Variants in TRPV4 observed in about 807,000 individuals in gnomAD.
TRPV4 encodes OSM9-like transient receptor potential channel 4.
A neutral mutation model predicts 84.1 loss-of-function variants in TRPV4; 58 were observed. The observed-to-expected ratio is 0.69, with a 90% CI of 0.56 to 0.86. The LOEUF is 0.86. TRPV4 is among the 40% of genes least tolerant of loss of function. TRPV4 has a pLI of 0.00. For missense variants in TRPV4, 879 were observed against 1,181.1 expected, an observed-to-expected ratio of 0.74 and a Z score of 3.75; for synonymous variants, 489 against 500.9, an observed-to-expected ratio of 0.98 and a Z score of 0.32.
Position 109,814,672 on chromosome 12 carries a change from C to A in TRPV4, c.125G>T (p.Gly42Val), listed in dbSNP as rs140171425. Residue 42 changes from glycine (G) to valine (V), a missense_variant, in exon 2 of 16, where the codon GGG (glycine) becomes GTG (valine). Around this residue, in one of 4 missense-constraint regions of TRPV4, gnomAD observed 107 missense variants for 99.4 expected, o/e 1.08. Coordinates refer to ENST00000261740, the MANE Select transcript of TRPV4 (RefSeq NM_021625.5). The surrounding 1 kb of genome is among the most constrained non-coding windows in gnomAD (Gnocchi z 5.4). ...TGAGGGCGAAAGGGAGCCATCCTCC[C>A]CCTCAAACAGATTGGCCAGGGAGGA... ...PLSSLANLFE[G>V]EDGSLSPSPA... The A allele has an allele frequency of 1.2e-6, 2 of 1,612,860 alleles. No homozygotes were observed. The highest frequency in any genetic ancestry group is 1.3e-5 in the African/African-American group (1 of 74,896).
chr12:109,829,507 C>G (rs1035589575), intron 1 of TRPV4, among the ~76,000 whole-genome samples: 1 of 152,224 alleles, frequency 6.6e-6, no homozygotes, highest in Non-Finnish European at 1.5e-5. Context: ...TCTAGCTTTG[C>G]CCCCAATACC....
chr12:109,785,120 C>T (rs936286058), intron 14 of TRPV4, among the ~76,000 whole-genome samples: 10 of 152,106 alleles, frequency 6.6e-5, no homozygotes, highest in Admixed American at 3.9e-4. Context: ...CTCCCAGGCT[C>T]AAGTGATCCG....
intron 3 of TRPV4, 60 bp from the exon 4 acceptor site, chr12:109,803,203 G>A (rs1432871808): frequency 6.3e-7 from 1 of 1,597,346 alleles, no homozygotes; most frequent in Non-Finnish European, 8.5e-7. Flanking sequence ...GAACTTCCAG[G>A]CATCGGGGTA....
rs766929903 is a variant in TRPV4, at chr12:109,784,297, C to T, written c.2458+19G>A. On this transcript the variant is annotated intron_variant, in intron 15 of 15. Transcript: ENST00000261740. ...GAGAATGGACTGGGGCTCCCCTCCGCACCCGCCCCTCCACTCACCCCTGCG... is the reference window on the plus strand; with the variant it reads ...GAGAATGGACTGGGGCTCCCCTCCGTACCCGCCCCTCCACTCACCCCTGCG... The T allele has an allele frequency of 1.2e-6, 2 of 1,614,078 alleles. No individual in the cohort carries two copies. Among genetic ancestry groups the T allele is most frequent in the Non-Finnish European group, 1.7e-6 (2 of 1,179,988 alleles).
intron 3 of TRPV4, among the ~76,000 whole-genome samples, chr12:109,803,797 A>C (rs1890955705): frequency 6.6e-6 from 1 of 152,176 alleles, no homozygotes; most frequent in Non-Finnish European, 1.5e-5. Context: ...TAAACAAATA[A>C]ATGGTTAGAA....
intron 1 of TRPV4, among the ~76,000 whole-genome samples, chr12:109,821,319 G>A: frequency 6.6e-6 from 1 of 152,314 alleles, no homozygotes; most frequent in African/African-American, 2.4e-5. Flanking sequence ...GTCCAGGAGG[G>A]AAGGCTGATG....
At position 109,783,652 on chromosome 12, in the gene TRPV4, C is replaced by T. The variant is rs371989034; in HGVS notation, c.2585G>A (p.Arg862His). 1.2e-5 allele frequency: 19 copies of T among 1,613,772 alleles called. 1 individual carries two copies. Among genetic ancestry groups the T allele is most frequent in the South Asian group, 9.9e-5 (9 of 91,076 alleles). The change falls in exon 16 of 16, where the codon CGC (arginine) becomes CAC (histidine). Residue 862 changes from arginine to histidine, a missense_variant. By Grantham distance (29) the Arg-to-His change is conservative. Around this residue, in one of 4 missense-constraint regions of TRPV4, gnomAD observed 242 missense variants for 355.3 expected, o/e 0.68. Transcript: ENST00000261740. The surrounding 1 kb of genome is among the most constrained non-coding windows in gnomAD (Gnocchi z 4.6). ...CGGGGCGTCATCAGTCCTCCACTTG[C>T]GGGGGTAACCCTGCTGGTGGCCATC... ...RCDGHQQGYP[R>H]KWRTDDAPL
rs1185057984 is a variant in TRPV4, at chr12:109,793,485, C to T, written c.1658+42G>A. 1 of 1,569,396 alleles carries T rather than the reference C, an allele frequency of 6.4e-7. No individual in the cohort carries two copies. Among genetic ancestry groups the T allele is most frequent in the East Asian group, 2.2e-5 (1 of 44,638 alleles). ...GGACGACCTAGCAGCCCAAACCCAC[C>T]TTCCTCACCCAGAAGCTGCCGGCCC... On this transcript the variant is annotated intron_variant, in intron 10 of 15. Coordinates refer to ENST00000261740, the MANE Select transcript of TRPV4 (RefSeq NM_021625.5). This position sits in a 1 kb window ranked among gnomAD's most constrained non-coding sequence, Gnocchi z 4.0.
chr12:109,793,725 C>T lies in TRPV4; in HGVS notation c.1585-125G>A. On this transcript the variant is annotated intron_variant, in intron 9 of 15. Coordinates refer to ENST00000261740, the MANE Select transcript of TRPV4 (RefSeq NM_021625.5). The surrounding 1 kb of genome is among the most constrained non-coding windows in gnomAD (Gnocchi z 4.0). ...GCTGGTACAGAGAAAAGACAAAGGA[C>T]TCTTTCCTGTTAGAAAAGGAGAAAA... The T allele has an allele frequency of 1.1e-6, 1 of 914,420 alleles. No homozygotes were observed. The highest frequency in any genetic ancestry group is 1.8e-6 in the Non-Finnish European group (1 of 567,948). The allele number at this position is 914,420 out of a possible 1,614,324, so 56.6% of individuals were successfully genotyped here.
In TRPV4 at chr12:109,794,313, G is replaced by C; in HGVS notation, c.1491+16C>G. ...CAGTGCCTGCCCCAGCCCCTGCCCG[G>C]TCCCCGGGCACTCACTGTGCCCTCC... On this transcript the variant is annotated intron_variant, in intron 8 of 15. Transcript: ENST00000261740. The C allele has an allele frequency of 6.2e-7, 1 of 1,610,632 alleles. No individual in the cohort carries two copies. The highest frequency in any genetic ancestry group is 8.5e-7 in the Non-Finnish European group (1 of 1,179,936).
chr12:109,823,617 G>C (rs745799229), intron 1 of TRPV4, among the ~76,000 whole-genome samples: 11 of 152,192 alleles, frequency 7.2e-5, no homozygotes, highest in Non-Finnish European at 1.6e-4. Context: ...AATCCACAGA[G>C]ACAGAAAGCA....
At chr12:109,791,121 G>A (rs1298093303) in intron 12 of TRPV4, among the ~76,000 whole-genome samples, 5 of 152,246 alleles carry the variant, frequency 3.3e-5, no homozygotes, top group South Asian at 2.1e-4. Context: ...AGTGGCTCAC[G>A]CCTGTAATCC....
chr12:109,793,709 G>T lies in TRPV4; in HGVS notation c.1585-109C>A. 2 of 999,600 alleles carry T rather than the reference G, an allele frequency of 2.0e-6. No individual in the cohort carries two copies. The highest frequency in any genetic ancestry group is 3.1e-6 in the Non-Finnish European group (2 of 636,672). The allele number at this position is 999,600 out of a possible 1,614,324, so 61.9% of individuals were successfully genotyped here. On this transcript the variant is annotated intron_variant, in intron 9 of 15. Coordinates refer to ENST00000261740, the MANE Select transcript of TRPV4 (RefSeq NM_021625.5). This position sits in a 1 kb window ranked among gnomAD's most constrained non-coding sequence, Gnocchi z 4.0. ...AGAGAGGGAGGCAGAGGCTGGTACA[G>T]AGAAAAGACAAAGGACTCTTTCCTG...
rs570675468 is a variant in TRPV4, at chr12:109,798,673, C to T, written c.1093G>A (p.Val365Met). The T allele has an allele frequency of 1.0e-4, 164 of 1,613,604 alleles. 1 individual carries two copies. In the African/African-American group the frequency reaches 1.0e-3, roughly 10 times the overall value. ...GGCGAGAGGCCGTCGTTGTTGAGCA[C>T]GGCCTCCAGGTTGCTGTCGGGGAAG... ...RLFPDSNLEA[V>M]LNNDGLSPLM... The change falls in exon 6 of 16, where the codon GTG (valine) becomes ATG (methionine). Residue 365 changes from valine (V) to methionine (M), a missense_variant. Val to Met is a conservative substitution (Grantham distance 21). This residue lies in a region of TRPV4 where 521 missense variants were observed against 686.6 expected (regional missense o/e 0.76). Coordinates refer to ENST00000261740, the MANE Select transcript of TRPV4 (RefSeq NM_021625.5). This position sits in a 1 kb window ranked among gnomAD's most constrained non-coding sequence, Gnocchi z 5.0.
Position 109,818,685 on chromosome 12 carries a change from T to C in TRPV4, c.-31-3858A>G, listed in dbSNP as rs951295001. ...TCTGGGAGATAAGGCAGGTCAAGTG[T>C]TTCTTGGGCACCTAAGAAATATTTG... On this transcript the variant is annotated intron_variant, in intron 1 of 15. Coordinates refer to ENST00000261740, the MANE Select transcript of TRPV4 (RefSeq NM_021625.5). 2.6e-5 allele frequency among the ~76,000 whole-genome samples: 4 copies of C among 152,156 alleles called. No individual in the cohort carries two copies. In the South Asian group the frequency reaches 8.3e-4, roughly 32 times the overall value.
intron 3 of TRPV4, among the ~76,000 whole-genome samples, chr12:109,804,952 C>T (rs1479661274): frequency 6.6e-6 from 1 of 152,178 alleles, no homozygotes; most frequent in African/African-American, 2.4e-5. Flanking sequence ...AAACATTCTT[C>T]CCTCCTCTTT....
Position 109,814,304 on chromosome 12 carries a change from G to C in TRPV4, c.386+107C>G. ...GGATGGTTGGATGGACAGATGGATG[G>C]ATGGATGAATCGACGGATGGGTGGA... On this transcript the variant is annotated intron_variant, in intron 2 of 15. Transcript: ENST00000261740. The surrounding 1 kb of genome is among the most constrained non-coding windows in gnomAD (Gnocchi z 5.4). 7.8e-7 allele frequency: 1 copy of C among 1,283,256 alleles called. No homozygotes were observed. Among genetic ancestry groups the C allele is most frequent in the Non-Finnish European group, 1.1e-6 (1 of 910,170 alleles). 79.5% of individuals were successfully genotyped at this position (1,283,256 alleles called of 1,614,324 possible).
chr12:109,794,292 G>A (rs1182822452), intron 8 of TRPV4, 37 bp downstream of exon 8: 6 of 1,607,782 alleles, frequency 3.7e-6, no homozygotes, highest in Non-Finnish European at 4.2e-6. Context: ...TCAGCCCAGT[G>A]CCTGCCCCAG....
chr12:109,825,755 A>T (rs1892235989), intron 1 of TRPV4, among the ~76,000 whole-genome samples: 3 of 152,164 alleles, frequency 2.0e-5, no homozygotes, highest in Admixed American at 2.0e-4. Context: ...TAGGAGCAAA[A>T]GTCCCGAGTT....
Sources: allele counts gnomAD v4.1 joint callset (sites outside exome capture counted in the v4.1 genomes callset), GRCh38; gene constraint gnomAD v4.1.1; regional missense constraint gnomAD v4.1.1; non-coding constraint Gnocchi (gnomAD v3.1); transcripts MANE v1.5; gene names NCBI Gene and HGNC (gene_info 2026-07-23, HGNC 2026-07-21).